The following PDE11A variants were observed in gnomAD, a reference collection of about 807,000 sequenced individuals.
PDE11A encodes the protein phosphodiesterase 11A.
PDE11A carries 100 observed loss-of-function variants against 100.5 expected under a neutral mutation model. That is an observed-to-expected ratio of 1.00 (90% CI 0.85 to 1.18). The LOEUF is 1.18. PDE11A is among the 50% of genes most tolerant of loss of function. The pLI, the probability that PDE11A is intolerant of heterozygous loss-of-function variation, is 0.00. For missense variants in PDE11A, 1,141 were observed against 1,152.6 expected (o/e 0.99, Z 0.15); for synonymous variants, 381 against 420.8 (o/e 0.91, Z 1.16).
chr2:177,826,996 G>C (rs192865077), intron 6 of PDE11A, among the ~76,000 whole-genome samples: 38 of 152,304 alleles, frequency 2.5e-4, no homozygotes, highest in Admixed American at 2.4e-3. Flanking sequence ...TGATAGACCA[G>C]AAGGTGTTAC....
chr2:177,934,633 G>T (rs1056006080), intron 2 of PDE11A, among the ~76,000 whole-genome samples: 6 of 152,118 alleles, frequency 3.9e-5, no homozygotes, highest in African/African-American at 1.4e-4. Context: ...TCCCATTATT[G>T]GGTATATACC....
chr2:178,066,613 G>C (rs999419307), intron 1 of PDE11A, among the ~76,000 whole-genome samples: 2 of 152,134 alleles, frequency 1.3e-5, no homozygotes, highest in Non-Finnish European at 2.9e-5. Flanking sequence ...GGCTGAGGGA[G>C]AGGCCCACAT....
chr2:177,862,859 G>A (rs1349402341), intron 5 of PDE11A, among the ~76,000 whole-genome samples: 1 of 151,608 alleles, frequency 6.6e-6, no homozygotes, highest in East Asian at 1.9e-4. Flanking sequence ...AACCATAAAA[G>A]ACCCCAAATA....
intron 18 of PDE11A, among the ~76,000 whole-genome samples, chr2:177,664,692 G>A (rs1429879769): frequency 6.6e-6 from 1 of 152,168 alleles, no homozygotes; most frequent in South Asian, 2.1e-4. Context: ...TGCCAATTCT[G>A]TGCCAGTGAG....
chr2:177,905,113 T>C lies in PDE11A; in HGVS notation c.1146A>G (p.Glu382=), dbSNP rs777116325. The C allele has an allele frequency of 1.6e-5, 26 of 1,591,272 alleles. No homozygotes were observed. The highest frequency in any genetic ancestry group is 2.2e-5 in the Non-Finnish European group (26 of 1,159,278). ...ATTTACTCACTCTGCTTCTTTCATATTCTTTCCTTGAGGCAGCAAAGAGCT... is the reference window on the plus strand; with the variant it reads ...ATTTACTCACTCTGCTTCTTTCATACTCTTTCCTTGAGGCAGCAAAGAGCT... The part of the protein sequence containing the change: ...NAQLFAASRK[E]YERSRALLEV... The change falls in exon 3 of 20, where the codon GAA becomes GAG. Residue 382 remains glutamate (E), a synonymous_variant. Transcript: ENST00000286063.
At chr2:177,830,326 G>T (rs894398042) in intron 6 of PDE11A, among the ~76,000 whole-genome samples, 1 of 152,066 alleles carries the variant, frequency 6.6e-6, no homozygotes. Flanking sequence ...TTGGCTGGGC[G>T]CGGTAGCTCA....
intron 2 of PDE11A, among the ~76,000 whole-genome samples, chr2:177,930,903 C>A (rs1001015727): frequency 2.6e-5 from 4 of 152,192 alleles, no homozygotes; most frequent in African/African-American, 9.7e-5. Flanking sequence ...GTCTCTGAAC[C>A]TTAATTAGAA....
chr2:177,900,376 TA>T (rs1349942172), intron 3 of PDE11A, among the ~76,000 whole-genome samples: 13 of 152,232 alleles, frequency 8.5e-5, no homozygotes. Flanking sequence ...GGGACATGAC[TA>T]ATTTTCAACT....
chr2:178,024,143 C>T (rs1405027430), intron 1 of PDE11A, among the ~76,000 whole-genome samples: 1 of 152,080 alleles, frequency 6.6e-6, no homozygotes, highest in Non-Finnish European at 1.5e-5. Flanking sequence ...CCTCATCAGG[C>T]ATTCACGCCT....
intron 1 of PDE11A, among the ~76,000 whole-genome samples, chr2:178,020,927 GTGTGTGT>G (rs2086402072): frequency 7.8e-4 from 15 of 19,302 alleles, no homozygotes; most frequent in African/African-American, 1.0e-3. Flanking sequence ...TTGTCTTGGT[GTGTGTGT>G]GTGTGTGTGT....
chr2:178,090,265 A>G (rs1418853813), intron 2 of PDE11A, among the ~76,000 whole-genome samples: 1 of 152,254 alleles, frequency 6.6e-6, no homozygotes, highest in Non-Finnish European at 1.5e-5. Context: ...TATATATTCA[A>G]TAATAACACC....
intron 5 of PDE11A, among the ~76,000 whole-genome samples, chr2:177,863,252 G>T (rs977880090): frequency 6.6e-6 from 1 of 151,830 alleles, no homozygotes; most frequent in Admixed American, 6.6e-5. Context: ...AGGGAGAAAA[G>T]TCCTGGACAA....
intron 19 of PDE11A, among the ~76,000 whole-genome samples, chr2:177,657,633 G>A (rs1196510211): frequency 6.6e-6 from 1 of 151,902 alleles, no homozygotes; most frequent in Non-Finnish European, 1.5e-5. Context: ...GGAGTGGGGA[G>A]AGGGGCAGGG....
At chr2:177,666,795 T>C (rs2080594309) in intron 18 of PDE11A, among the ~76,000 whole-genome samples, 1 of 151,996 alleles carries the variant, frequency 6.6e-6, no homozygotes. Flanking sequence ...TCCAGATACT[T>C]GGCCCATAAA....
chr2:177,866,349 C>T (rs537654077), intron 5 of PDE11A, among the ~76,000 whole-genome samples: 7 of 152,156 alleles, frequency 4.6e-5, no homozygotes, highest in Admixed American at 1.3e-4. Flanking sequence ...AAATTCTGCT[C>T]GGGACTTCCC....
chr2:177,760,950 A>C (rs1374969229), intron 10 of PDE11A, among the ~76,000 whole-genome samples: 1 of 152,238 alleles, frequency 6.6e-6, no homozygotes, highest in Non-Finnish European at 1.5e-5. Flanking sequence ...CAAAAACAGG[A>C]AAGACAGACT....
At chr2:177,903,830 A>G (rs1356443569) in intron 3 of PDE11A, among the ~76,000 whole-genome samples, 3 of 152,250 alleles carry the variant, frequency 2.0e-5, no homozygotes, top group Non-Finnish European at 4.4e-5. Context: ...GGTATGATCA[A>G]ATGAAACAGA....
At chr2:177,800,178 T>A (rs938877443) in intron 9 of PDE11A, among the ~76,000 whole-genome samples, 8 of 50,186 alleles carry the variant, frequency 1.6e-4, no homozygotes, top group African/African-American at 2.3e-4. Flanking sequence ...ATTAAAAAAA[T>A]TTTTCTTTTT....
At chr2:178,069,427 T>C (rs574828226) in intron 1 of PDE11A, among the ~76,000 whole-genome samples, 3 of 152,072 alleles carry the variant, frequency 2.0e-5, no homozygotes, top group African/African-American at 7.2e-5. Context: ...AAGAAGCCAA[T>C]GGAAAAAGAA....
Sources: allele counts gnomAD v4.1 joint callset (sites outside exome capture counted in the v4.1 genomes callset), GRCh38; gene constraint gnomAD v4.1.1; transcripts MANE v1.5; gene names NCBI Gene and HGNC (gene_info 2026-07-23, HGNC 2026-07-21).